Variants in CCDC116 observed in about 807,000 individuals in gnomAD.
CCDC116 encodes the protein coiled-coil domain containing 116, also known as coiled-coil domain-containing protein 116.
A neutral mutation model predicts 29.4 loss-of-function variants in CCDC116; 24 were observed. The observed-to-expected ratio is 0.82, with a 90% CI of 0.59 to 1.15. The LOEUF (loss-of-function observed/expected upper bound fraction) is 1.15, where lower values mean the gene tolerates loss of function less well. Ranked by LOEUF, CCDC116 falls within the 50% of genes most tolerant of loss-of-function variation. The pLI is 0.00. For missense variants in CCDC116, 791 were observed against 804.0 expected (o/e 0.98, Z 0.20); for synonymous variants, 298 against 331.4 (o/e 0.90, Z 1.10).
chr22:21,632,919 C>T (rs1216892270), intron 1 of CCDC116, 92 bp downstream of exon 1: 3 of 630,534 alleles, frequency 4.8e-6, no homozygotes, highest in South Asian at 3.4e-5. Context: ...CAAAGATGAT[C>T]GGAGACAGGA....
chr22:21,637,166 C>T lies in CCDC116; in HGVS notation c.*96C>T. The stretch of plus-strand genomic sequence containing the variant: ...GAAGTCCCCACTAGCCACTCGATTC[C>T]CTGCTCTGTCAGAGTTGCTGCACAT... On this transcript the variant is annotated 3_prime_UTR_variant, in exon 5 of 5. Transcript: ENST00000292779. 6.9e-7 allele frequency: 1 copy of T among 1,453,484 alleles called. No homozygotes were observed. The highest frequency in any genetic ancestry group is 9.1e-7 in the Non-Finnish European group (1 of 1,103,522). 90.0% of individuals were successfully genotyped at this position (1,453,484 alleles called of 1,614,324 possible).
chr22:21,635,800 G>A, intron 4 of CCDC116: 1 of 583,772 alleles, frequency 1.7e-6, no homozygotes. Context: ...TTTTATGCTG[G>A]GTATTTTTTC....
Position 21,637,065 on chromosome 22 carries a change from G to A in CCDC116, c.1837G>A (p.Val613Ile). Residue 613 changes from valine (V) to isoleucine (I), a missense_variant, in exon 5 of 5, where the codon GTC becomes ATC. Coordinates refer to ENST00000292779, the MANE Select transcript of CCDC116 (RefSeq NM_152612.3). ...DQDEDKDEDG[V>I] ...GGATGAGGACAAGGATGAGGATGGA[G>A]TCTAGAGCCTCCCAGAGCCTGGAGA... 1 of 1,607,600 alleles carries A rather than the reference G, an allele frequency of 6.2e-7. No individual in the cohort carries two copies. The highest frequency in any genetic ancestry group is 8.5e-7 in the Non-Finnish European group (1 of 1,176,436).
At chr22:21,633,478 T>C (rs184182522) in intron 2 of CCDC116, among the ~76,000 whole-genome samples, 176 of 152,300 alleles carry the variant, frequency 1.2e-3, no homozygotes, top group African/African-American at 4.0e-3. Flanking sequence ...CAGAAGGTGC[T>C]TGGGTGGACT....
In CCDC116 at chr22:21,634,962, C is replaced by T. The variant is rs1472273282; in HGVS notation, c.899C>T (p.Thr300Met). The T allele has an allele frequency of 8.7e-6, 14 of 1,612,896 alleles. No homozygotes were observed. Among genetic ancestry groups the T allele is most frequent in the South Asian group, 1.1e-5 (1 of 91,088 alleles). The change falls in exon 4 of 5, where the codon ACG becomes ATG. Residue 300 changes from threonine (T) to methionine (M), a missense_variant. Coordinates refer to ENST00000292779, the MANE Select transcript of CCDC116 (RefSeq NM_152612.3). ...GYCPLREPHR[T>M]LNFLADHRLF... ...TGTCCGCTCCGTGAGCCCCATCGCA[C>T]GCTGAACTTCCTGGCTGACCACCGC...
In CCDC116 at chr22:21,634,439, C is replaced by T. The variant is rs1376966261; in HGVS notation, c.490C>T (p.Leu164Phe). The T allele has an allele frequency of 6.2e-7, 1 of 1,614,224 alleles. No individual in the cohort carries two copies. The highest frequency in any genetic ancestry group is 2.2e-5 in the East Asian group (1 of 44,886). Reference protein sequence around the residue: ...SSSMSNCHSSLMAGCLGSHSR... With the variant: ...SSSMSNCHSSFMAGCLGSHSR... ...CTCCATGTCCAACTGCCATAGCAGCCTCATGGCCGGCTGTCTGGGCTCCCA... is the reference window on the plus strand; with the variant it reads ...CTCCATGTCCAACTGCCATAGCAGCTTCATGGCCGGCTGTCTGGGCTCCCA... Residue 164 changes from leucine (L) to phenylalanine (F), a missense_variant, in exon 3 of 5, where the codon CTC becomes TTC. By Grantham distance (22) the Leu-to-Phe change is conservative. Transcript: ENST00000292779.
Position 21,632,807 on chromosome 22 carries a change from CG to C in CCDC116, c.-81del, listed in dbSNP as rs1172836038. On this transcript the variant is annotated 5_prime_UTR_variant, in exon 1 of 5. Transcript: ENST00000292779. ...AGGGCGCAGACTGTACTGGCCTGTG[CG>C]GAGCAAGGCGGTGTTTCTGGTGAGT... 1 of 403,676 alleles carries C rather than the reference CG, an allele frequency of 2.5e-6. No homozygotes were observed. 25.0% of individuals were successfully genotyped at this position (403,676 alleles called of 1,614,324 possible).
In CCDC116 at chr22:21,635,726, A is replaced by ATGGGGGCCCATGAAGCC. The variant is rs933660117; in HGVS notation, c.1203+474_1203+475insGCCTGGGGGCCCATGAA. ...AACCTCCTGGGCAGGGGTCAAGCTG[A>ATGGGGGCCCATGAAGCC]TGGGGGCCCATGAATCCTGGCCTAG... On this transcript the variant is annotated intron_variant, in intron 4 of 4. Coordinates refer to ENST00000292779, the MANE Select transcript of CCDC116 (RefSeq NM_152612.3). 4.9e-6 allele frequency: 3 copies of ATGGGGGCCCATGAAGCC among 610,002 alleles called. No individual in the cohort carries two copies. The African/African-American group carries it at 5.5e-5, about 11-fold the overall frequency. The allele number at this position is 610,002 out of a possible 1,614,324, so 37.8% of individuals were successfully genotyped here. A position where few individuals can be genotyped will look rare whatever the true frequency, so the allele number is the denominator to read the frequency against.
In CCDC116 at chr22:21,636,753, CG is replaced by C; in HGVS notation, c.1527del (p.Gln510ArgfsTer?). The C allele has an allele frequency of 1.2e-6, 2 of 1,612,808 alleles. No individual in the cohort carries two copies. The highest frequency in any genetic ancestry group is 1.7e-6 in the Non-Finnish European group (2 of 1,179,990). On this transcript the variant is annotated frameshift_variant, in exon 5 of 5. Coordinates refer to ENST00000292779, the MANE Select transcript of CCDC116 (RefSeq NM_152612.3). LOFTEE classifies it low-confidence loss of function (END_TRUNC). ...LRKLEESKRA[R>X]QASRLSTSHC... is the part of the protein sequence containing the mutation. ...TAAACTGGAGGAGTCCAAAAGGGCCCGGCAGGCCTCCCGGCTCAGCACCTCC... is the reference window on the plus strand; with the variant it reads ...TAAACTGGAGGAGTCCAAAAGGGCCCGCAGGCCTCCCGGCTCAGCACCTCC...
At position 21,634,588 on chromosome 22, in the gene CCDC116, G is replaced by A. The variant is rs371907044; in HGVS notation, c.621+18G>A. 28 of 1,580,764 alleles carry A rather than the reference G, an allele frequency of 1.8e-5. No homozygotes were observed. The highest frequency in any genetic ancestry group is 2.0e-5 in the Non-Finnish European group (23 of 1,160,786). ...GGGAAGGGGTGAGAGCCAGGGCCAT[G>A]GCTGGGTGGGGTGGACTCCCATGGA... On this transcript the variant is annotated intron_variant, in intron 3 of 4. Transcript: ENST00000292779.
intron 1 of CCDC116, 25 bp from the exon 2 acceptor site, chr22:21,633,095 C>T: frequency 1.8e-6 from 2 of 1,091,016 alleles, no homozygotes; most frequent in Non-Finnish European, 2.7e-6. Context: ...TGGAGACCCT[C>T]AGGTTGTCTC....
chr22:21,635,104 G>C lies in CCDC116; in HGVS notation c.1041G>C (p.Pro347=). Residue 347 remains proline (P), a synonymous_variant, in exon 4 of 5, where the codon CCG becomes CCC. Coordinates refer to ENST00000292779, the MANE Select transcript of CCDC116 (RefSeq NM_152612.3). The part of the protein sequence containing the change: ...PTSLEPTSDL[P]PLGSEPAKPT... ...GCTTGGAGCCCACCTCAGATCTGCC[G>C]CCTCTGGGCTCTGAGCCAGCTAAAC... 1 of 1,607,198 alleles carries C rather than the reference G, an allele frequency of 6.2e-7. No homozygotes were observed. Among genetic ancestry groups the C allele is most frequent in the South Asian group, 1.1e-5 (1 of 91,068 alleles).
chr22:21,636,046 G>A (rs962086969), intron 4 of CCDC116, among the ~76,000 whole-genome samples: 48 of 152,278 alleles, frequency 3.2e-4, no homozygotes, highest in Middle Eastern at 3.4e-3. Flanking sequence ...ACGGTCCCTC[G>A]ACCCTTTCCT....
rs1280419862 is a variant in CCDC116 at position 21,635,157 on chromosome 22, C to T, written c.1094C>T (p.Ser365Phe). ...ACCAATGGCGGGCAGCCCTATGCTT[C>T]CCCCCGCCCCACAGTCTCCAGCCCC... Reference protein sequence around the residue: ...KPTNGGQPYASPRPTVSSPKM... With the variant: ...KPTNGGQPYAFPRPTVSSPKM... Residue 365 changes from serine to phenylalanine, a missense_variant, in exon 4 of 5, where the codon TCC becomes TTC. Coordinates refer to ENST00000292779, the MANE Select transcript of CCDC116 (RefSeq NM_152612.3). The T allele has an allele frequency of 3.1e-6, 5 of 1,601,770 alleles. No homozygotes were observed. The highest frequency in any genetic ancestry group is 2.2e-5 in the South Asian group (2 of 91,024).
At chr22:21,635,298 G>A in intron 4 of CCDC116, 32 bp downstream of exon 4, 1 of 1,548,750 alleles carries the variant, frequency 6.5e-7, no homozygotes, top group Non-Finnish European at 8.8e-7. Flanking sequence ...AATGTCCCCA[G>A]CCCCTCACTC....
intron 4 of CCDC116, 127 bp downstream of exon 4, chr22:21,635,393 T>G: frequency 1.1e-6 from 1 of 880,842 alleles, no homozygotes; most frequent in Non-Finnish European, 1.8e-6. Context: ...GGCCCAGCCC[T>G]GGCAGGGCCT....
In CCDC116 at chr22:21,634,695, G is replaced by C. The variant is rs927813020; in HGVS notation, c.632G>C (p.Ser211Thr). Residue 211 changes from serine to threonine, a missense_variant, in exon 4 of 5, where the codon AGT (serine) becomes ACT (threonine). By Grantham distance (58) the Ser-to-Thr change is moderately conservative (BLOSUM62 1). Coordinates refer to ENST00000292779, the MANE Select transcript of CCDC116 (RefSeq NM_152612.3). The stretch of plus-strand genomic sequence containing the variant: ...ACCCTCTTTCTGCAGAAAGGCCTCA[G>C]TCAGTCCTGCTCCCAGAGGGACTCC... ...LQLEREGKGL[S>T]QSCSQRDSLL... 118 of 1,603,412 alleles carry C rather than the reference G, an allele frequency of 7.4e-5. No individual in the cohort carries two copies. Among genetic ancestry groups the C allele is most frequent in the Non-Finnish European group, 9.9e-5 (116 of 1,172,974 alleles).
chr22:21,635,034 T>C lies in CCDC116; in HGVS notation c.971T>C (p.Leu324Pro), dbSNP rs779237902. 13 of 1,610,356 alleles carry C rather than the reference T, an allele frequency of 8.1e-6. No homozygotes were observed. In the South Asian group the frequency reaches 1.3e-4, roughly 16 times the overall value. The change falls in exon 4 of 5, where the codon CTC (leucine) becomes CCC (proline). Residue 324 changes from leucine (L) to proline (P), a missense_variant. By Grantham distance (98) the Leu-to-Pro change is moderately conservative. Transcript: ENST00000292779. ...QSVVSQAVDKLRGAHCRDGRP... is the reference protein window; with the variant it reads ...QSVVSQAVDKPRGAHCRDGRP... Reference sequence around the variant, plus strand: ...GTGGTCAGCCAGGCTGTGGATAAGCTCCGTGGCGCCCACTGCCGCGACGGC... The same window carrying C: ...GTGGTCAGCCAGGCTGTGGATAAGCCCCGTGGCGCCCACTGCCGCGACGGC...
Position 21,634,312 on chromosome 22 carries a change from A to G in CCDC116, c.363A>G (p.Gly121=). The change falls in exon 3 of 5, where the codon GGA becomes GGG. Residue 121 remains glycine (G), a synonymous_variant. Coordinates refer to ENST00000292779, the MANE Select transcript of CCDC116 (RefSeq NM_152612.3). ...VQDPVEVPSG[G]RRAHARPSLS... Reference sequence around the variant, plus strand: ...ACCCAGTGGAGGTGCCAAGTGGTGGACGGCGGGCACATGCCCGGCCCAGCC... The same window carrying G: ...ACCCAGTGGAGGTGCCAAGTGGTGGGCGGCGGGCACATGCCCGGCCCAGCC... 6.2e-7 allele frequency: 1 copy of G among 1,612,926 alleles called. No individual in the cohort carries two copies. The highest frequency in any genetic ancestry group is 8.5e-7 in the Non-Finnish European group (1 of 1,179,866).
Sources: allele counts gnomAD v4.1 joint callset (sites outside exome capture counted in the v4.1 genomes callset), GRCh38; gene constraint gnomAD v4.1.1; transcripts MANE v1.5; gene names NCBI Gene and HGNC (gene_info 2026-07-23, HGNC 2026-07-21).